SOX6: variants seen among roughly 807,000 people sequenced by gnomAD.
The protein encoded by SOX6 is SRY-box transcription factor 6, also known as transcription factor SOX-6.
A neutral mutation model predicts 97.8 loss-of-function variants in SOX6; 11 were observed. That is an observed-to-expected ratio of 0.11 (90% CI 0.07 to 0.19). SOX6 has a LOEUF of 0.19. Among genes scored for constraint, SOX6 ranks in the 10% least tolerant of loss-of-function variants. SOX6 has a pLI of 1.00. For missense variants in SOX6, 810 were observed against 1,039.5 expected (o/e 0.78, Z 3.04); for synonymous variants, 360 against 371.4 (o/e 0.97, Z 0.35).
intron 3 of SOX6, among the ~76,000 whole-genome samples, chr11:16,249,043 G>A (rs1415728978): frequency 6.6e-6 from 1 of 151,230 alleles, no homozygotes; most frequent in East Asian, 2.0e-4. Flanking sequence ...AGAGGTTGCA[G>A]TGAGCCAAGA....
chr11:16,706,599 G>T (rs186965162), intron 3 of SOX6, among the ~76,000 whole-genome samples: 8 of 143,886 alleles, frequency 5.6e-5, no homozygotes, highest in East Asian at 4.1e-4. Flanking sequence ...CAAACATGCA[G>T]GAAAATGAGA....
chr11:16,458,384 T>C (rs895964565), intron 1 of SOX6, among the ~76,000 whole-genome samples: 2 of 148,950 alleles, frequency 1.3e-5, no homozygotes, highest in African/African-American at 5.0e-5. Flanking sequence ...ACCCATAGTA[T>C]ATTCACCTAC....
At chr11:16,689,843 T>C (rs1394320362) in intron 3 of SOX6, among the ~76,000 whole-genome samples, 1 of 152,128 alleles carries the variant, frequency 6.6e-6, no homozygotes, top group African/African-American at 2.4e-5. Flanking sequence ...TTTCTATATT[T>C]AATGAGTTTT....
At chr11:16,429,239 A>C (rs1267311120) in intron 1 of SOX6, among the ~76,000 whole-genome samples, 3 of 152,220 alleles carry the variant, frequency 2.0e-5, no homozygotes, top group Non-Finnish European at 4.4e-5. Flanking sequence ...AGTGTAAATT[A>C]GTTCAACCAT....
At chr11:16,046,925 C>T (rs1855851520) in intron 11 of SOX6, among the ~76,000 whole-genome samples, 1 of 152,144 alleles carries the variant, frequency 6.6e-6, no homozygotes, top group Non-Finnish European at 1.5e-5. Context: ...CTCCAGCCTA[C>T]CTGGATTCTG....
intron 4 of SOX6, among the ~76,000 whole-genome samples, chr11:16,498,538 A>G (rs1266281692): frequency 1.3e-5 from 2 of 152,136 alleles, no homozygotes; most frequent in African/African-American, 4.8e-5. Context: ...GTCAAGACCC[A>G]TCAGTGTGCT....
chr11:15,980,449 C>T (rs1025130920), intron 15 of SOX6, among the ~76,000 whole-genome samples: 4 of 152,066 alleles, frequency 2.6e-5, no homozygotes, highest in Middle Eastern at 3.4e-3. Context: ...CTAACCATCA[C>T]GCTGATCTTG....
chr11:16,654,613 C>A (rs557953651), intron 3 of SOX6, among the ~76,000 whole-genome samples: 2 of 152,160 alleles, frequency 1.3e-5, no homozygotes, highest in South Asian at 4.2e-4. Flanking sequence ...TGACTGATGG[C>A]ATAAAACTAA....
rs1229458613 is a variant in SOX6, at chr11:16,129,040, T to A, written c.778-17117A>T. On this transcript the variant is annotated intron_variant, in intron 6 of 15. Transcript: ENST00000683767. ...CATGCCTGGCATTTTTTTTTTTTTTTTTTTTTTAGTAGAGATGGGGTTTCT... is the reference window on the plus strand; with the variant it reads ...CATGCCTGGCATTTTTTTTTTTTTTATTTTTTTAGTAGAGATGGGGTTTCT... Among the ~76,000 whole-genome samples, 4 of 149,960 alleles carry A rather than the reference T, an allele frequency of 2.7e-5. No individual in the cohort carries two copies. In the East Asian group the frequency reaches 7.9e-4, roughly 29 times the overall value.
At chr11:16,466,930 CAAAAAAAAAAAAAA>C (rs764424447) in intron 1 of SOX6, among the ~76,000 whole-genome samples, 1 of 41,544 alleles carries the variant, frequency 2.4e-5, no homozygotes, top group Admixed American at 3.4e-4. Context: ...GACTCCGTCT[CAAAAAAAAAAAAAA>C]AAAAAAAAAA....
At chr11:16,654,487 G>T (rs1327988070) in intron 3 of SOX6, among the ~76,000 whole-genome samples, 1 of 151,824 alleles carries the variant, frequency 6.6e-6, no homozygotes, top group African/African-American at 2.4e-5. Flanking sequence ...ACAGAGTTTT[G>T]CTATGTTGCC....
chr11:16,107,852 T>G (rs1285659213), intron 7 of SOX6, among the ~76,000 whole-genome samples: 1 of 152,132 alleles, frequency 6.6e-6, no homozygotes, highest in Non-Finnish European at 1.5e-5. Context: ...TAAAATTGTT[T>G]TTGGTCGTTG....
intron 3 of SOX6, among the ~76,000 whole-genome samples, chr11:16,641,928 TG>T (rs1768751726): frequency 6.6e-6 from 1 of 152,234 alleles, no homozygotes; most frequent in South Asian, 2.1e-4. Context: ...TATTGTTATG[TG>T]TGAATTTGTT....
intron 4 of SOX6, among the ~76,000 whole-genome samples, chr11:16,527,403 T>G (rs920843702): frequency 2.0e-5 from 3 of 152,148 alleles, no homozygotes; most frequent in African/African-American, 7.2e-5. Context: ...CTCTCCCAGA[T>G]GTATTCATAT....
At chr11:16,382,182 A>C (rs1000361099) in intron 1 of SOX6, 1 of 148,436 alleles carries the variant, frequency 6.7e-6, no homozygotes, top group Non-Finnish European at 1.5e-5. Flanking sequence ...CATCATCAAA[A>C]CATTCAGAAA....
intron 4 of SOX6, among the ~76,000 whole-genome samples, chr11:16,225,929 T>C (rs2028162): frequency 0.21 from 31,325 of 152,108 alleles, 3,914 homozygotes; most frequent in Admixed American, 0.32. Context: ...ATGTATGCAG[T>C]TCCTAATTTT....
intron 4 of SOX6, among the ~76,000 whole-genome samples, chr11:16,579,126 C>G (rs1589993140): frequency 6.6e-6 from 1 of 152,054 alleles, no homozygotes; most frequent in Non-Finnish European, 1.5e-5. Context: ...CTTTTTAATA[C>G]TTTCACTCAG....
intron 4 of SOX6, among the ~76,000 whole-genome samples, chr11:16,516,324 T>C (rs1057071454): frequency 2.6e-5 from 4 of 152,200 alleles, no homozygotes; most frequent in African/African-American, 9.6e-5. Flanking sequence ...TGAATGGGAG[T>C]TCACTCATGA....
At chr11:16,130,324 AAGAGAGT>A (rs1343397540) in intron 6 of SOX6, among the ~76,000 whole-genome samples, 1 of 152,018 alleles carries the variant, frequency 6.6e-6, no homozygotes, top group Non-Finnish European at 1.5e-5. Flanking sequence ...AAAATTTGCT[AAGAGAGT>A]AGAGTGTAAG....
Sources: gnomAD v4.1 joint callset for allele counts (sites outside exome capture counted in the v4.1 genomes callset) on GRCh38, gnomAD v4.1.1 for gene constraint, MANE v1.5 for transcripts, NCBI Gene and HGNC (gene_info 2026-07-23, HGNC 2026-07-21) for gene names.